The following LHFPL3 variants were observed in gnomAD, a reference collection of about 807,000 sequenced individuals.
The protein encoded by LHFPL3 is LHFPL tetraspan subfamily member 3, also known as LHFPL tetraspan subfamily member 3 protein.
LHFPL3 carries 5 observed loss-of-function variants against 19.3 expected under a neutral mutation model. The ratio of observed to expected loss-of-function variants is 0.26; its 90% CI spans 0.14 to 0.54. The LOEUF is 0.54. Ranked by LOEUF, LHFPL3 falls within the 20% of genes least tolerant of loss-of-function variation. The pLI, the probability that LHFPL3 is intolerant of heterozygous loss-of-function variation, is 0.94. For synonymous variants in LHFPL3, 133 were observed against 126.2 expected (o/e 1.05, Z -0.36); for missense variants, 249 against 307.4 (o/e 0.81, Z 1.42).
At position 104,395,714 on chromosome 7, in the gene LHFPL3, A is replaced by G. The variant is rs896444228; in HGVS notation, c.445+66490A>G. Reference sequence around the variant, plus strand: ...ATTTCTGCTCTGTCCCAAACATTCAATACTTTATGCAAATAAATTTCCTCA... The same window carrying G: ...ATTTCTGCTCTGTCCCAAACATTCAGTACTTTATGCAAATAAATTTCCTCA... On this transcript the variant is annotated intron_variant, in intron 1 of 2. Coordinates refer to ENST00000424859, the MANE Select transcript of LHFPL3 (RefSeq NM_199000.3). Among the ~76,000 whole-genome samples the G allele has an allele frequency of 3.2e-4, 48 of 152,176 alleles. 1 individual carries two copies. Among genetic ancestry groups the G allele is most frequent in the African/African-American group, 1.1e-3 (45 of 41,458 alleles).
At chr7:104,364,796 A>G (rs1017979819) in intron 1 of LHFPL3, among the ~76,000 whole-genome samples, 2 of 152,268 alleles carry the variant, frequency 1.3e-5, no homozygotes, top group Non-Finnish European at 2.9e-5. Flanking sequence ...TTCAACGGTA[A>G]GATGAGACTG....
chr7:104,881,855 C>T (rs1001145086), intron 2 of LHFPL3, among the ~76,000 whole-genome samples: 1 of 152,120 alleles, frequency 6.6e-6, no homozygotes, highest in Non-Finnish European at 1.5e-5. Flanking sequence ...CAGCCACCAC[C>T]CTCATCAGTC....
rs11428458 is a variant in LHFPL3, at chr7:104,408,359, A to ATT, written c.445+79145_445+79146dup. Among the ~76,000 whole-genome samples the ATT allele has an allele frequency of 5.3e-3, 791 of 149,044 alleles. 8 individuals are homozygous for ATT. Among genetic ancestry groups the ATT allele is most frequent in the African/African-American group, 0.015 (594 of 40,776 alleles). On this transcript the variant is annotated intron_variant, in intron 1 of 2. Transcript: ENST00000424859. ...TGAGCTCCATGTTTCTTGTGGCAAC[A>ATT]TTTTTTTTTTTCTAGATTGGATCCA...
At chr7:104,522,235 T>A (rs1022227404) in intron 1 of LHFPL3, among the ~76,000 whole-genome samples, 2 of 151,888 alleles carry the variant, frequency 1.3e-5, no homozygotes, top group African/African-American at 4.8e-5. Flanking sequence ...ATGTCCTTTG[T>A]AGGGACATGG....
At chr7:104,430,392 A>ATATG (rs1554393135) in intron 1 of LHFPL3, among the ~76,000 whole-genome samples, 7 of 56,578 alleles carry the variant, frequency 1.2e-4, no homozygotes, top group Non-Finnish European at 2.0e-4. Flanking sequence ...ACATATATAT[A>ATATG]TATATATATA....
At chr7:104,466,371 G>A (rs151334850) in intron 1 of LHFPL3, among the ~76,000 whole-genome samples, 28 of 152,194 alleles carry the variant, frequency 1.8e-4, no homozygotes, top group East Asian at 5.8e-4. Context: ...GTATTTTTAG[G>A]CAATACTGCA....
chr7:104,337,715 C>T (rs1379960712), intron 1 of LHFPL3, among the ~76,000 whole-genome samples: 5 of 152,092 alleles, frequency 3.3e-5, no homozygotes, highest in African/African-American at 1.2e-4. Context: ...TTACAGTGAA[C>T]ATTTGGGTAA....
chr7:104,759,442 T>C (rs1245087401), intron 2 of LHFPL3, among the ~76,000 whole-genome samples: 1 of 152,208 alleles, frequency 6.6e-6, no homozygotes, highest in Non-Finnish European at 1.5e-5. Flanking sequence ...TATTTCAGCA[T>C]GTAATCAATA....
intron 1 of LHFPL3, among the ~76,000 whole-genome samples, chr7:104,730,544 T>C (rs1166630800): frequency 6.6e-6 from 1 of 152,240 alleles, no homozygotes; most frequent in African/African-American, 2.4e-5. Context: ...AAATGTCTTC[T>C]TTTGAGAAGT....
At chr7:104,864,490 G>T (rs1292262129) in intron 2 of LHFPL3, among the ~76,000 whole-genome samples, 2 of 152,212 alleles carry the variant, frequency 1.3e-5, no homozygotes, top group Non-Finnish European at 2.9e-5. Context: ...GGCTTGGAGA[G>T]TCCTACGCCC....
intron 1 of LHFPL3, among the ~76,000 whole-genome samples, chr7:104,617,088 T>TGCG (rs1246372874): frequency 6.6e-6 from 1 of 152,146 alleles, no homozygotes; most frequent in Non-Finnish European, 1.5e-5. Context: ...TGGAAGACAG[T>TGCG]GCGGCGATTC....
chr7:104,574,558 G>A (rs1174173699), intron 1 of LHFPL3, among the ~76,000 whole-genome samples: 1 of 152,112 alleles, frequency 6.6e-6, no homozygotes, highest in East Asian at 1.9e-4. Context: ...TTAGGGGAGA[G>A]GAAAGAGGAA....
chr7:104,369,383 T>C (rs892441990), intron 1 of LHFPL3, among the ~76,000 whole-genome samples: 3 of 152,260 alleles, frequency 2.0e-5, no homozygotes, highest in African/African-American at 7.2e-5. Flanking sequence ...ACCGTACATG[T>C]TGTTGAATGT....
chr7:104,677,570 T>C (rs1792615512), intron 1 of LHFPL3, among the ~76,000 whole-genome samples: 1 of 152,168 alleles, frequency 6.6e-6, no homozygotes, highest in Admixed American at 6.5e-5. Flanking sequence ...TTTAATTACA[T>C]TGGCATGTGG....
chr7:104,829,575 G>A lies in LHFPL3; in HGVS notation c.683-76612G>A, dbSNP rs2116553082. Reference sequence around the variant, plus strand: ...AGTTCCCACCTATGAGTGAGAACATGTGGTGTTTGGTTTTTTGTCCTTGCA... The same window carrying A: ...AGTTCCCACCTATGAGTGAGAACATATGGTGTTTGGTTTTTTGTCCTTGCA... On this transcript the variant is annotated intron_variant, in intron 2 of 2. Coordinates refer to ENST00000424859, the MANE Select transcript of LHFPL3 (RefSeq NM_199000.3). 1.3e-5 allele frequency among the ~76,000 whole-genome samples: 2 copies of A among 151,634 alleles called. 1 individual carries two copies. The highest frequency in any genetic ancestry group is 4.9e-5 in the African/African-American group (2 of 41,058).
intron 1 of LHFPL3, among the ~76,000 whole-genome samples, chr7:104,729,343 A>C (rs1295697395): frequency 6.6e-6 from 1 of 152,324 alleles, no homozygotes; most frequent in East Asian, 1.9e-4. Flanking sequence ...CACCTCATAC[A>C]TTTATCATTT....
At chr7:104,484,316 C>T (rs1020083644) in intron 1 of LHFPL3, among the ~76,000 whole-genome samples, 1 of 152,150 alleles carries the variant, frequency 6.6e-6, no homozygotes, top group African/African-American at 2.4e-5. Context: ...AGCACACTCC[C>T]TGCTACACTT....
At chr7:104,405,033 T>C (rs1791389180) in intron 1 of LHFPL3, among the ~76,000 whole-genome samples, 1 of 152,220 alleles carries the variant, frequency 6.6e-6, no homozygotes, top group Admixed American at 6.5e-5. Flanking sequence ...TTATAGTTTC[T>C]TTAGTTACAT....
At chr7:104,350,729 A>T (rs942000854) in intron 1 of LHFPL3, among the ~76,000 whole-genome samples, 1 of 152,172 alleles carries the variant, frequency 6.6e-6, no homozygotes, top group African/African-American at 2.4e-5. Context: ...AGAGTGGGTG[A>T]TAGTGAGTGC....
Sources: gnomAD v4.1 joint callset for allele counts (sites outside exome capture counted in the v4.1 genomes callset) on GRCh38, gnomAD v4.1.1 for gene constraint, MANE v1.5 for transcripts, NCBI Gene and HGNC (gene_info 2026-07-23, HGNC 2026-07-21) for gene names.